The following LIN28B variants were observed in gnomAD, a reference collection of about 807,000 sequenced individuals.
LIN28B encodes the protein lin-28 RNA binding posttranscriptional regulator B, also known as protein lin-28 homolog B.
A neutral mutation model predicts 21.9 loss-of-function variants in LIN28B; 5 were observed. That is an observed-to-expected ratio of 0.23 (90% confidence interval 0.12 to 0.48). The LOEUF is 0.48. Ranked by LOEUF, LIN28B falls within the 20% of genes least tolerant of loss-of-function variation. The pLI, the probability that LIN28B is intolerant of heterozygous loss-of-function variation, is 0.98. For missense variants in LIN28B, 245 were observed against 310.5 expected (o/e 0.79, Z 1.58); for synonymous variants, 109 against 111.3 (o/e 0.98, Z 0.13).
intron 3 of LIN28B, among the ~76,000 whole-genome samples, chr6:105,051,476 C>T (rs1327296333): frequency 6.6e-6 from 1 of 151,016 alleles, no homozygotes; most frequent in African/African-American, 2.4e-5. Context: ...GCCACGACAA[C>T]TGTTTGTAAT....
intron 2 of LIN28B, among the ~76,000 whole-genome samples, chr6:104,995,185 A>G (rs1353829246): frequency 1.3e-5 from 2 of 152,232 alleles, no homozygotes; most frequent in African/African-American, 4.8e-5. Context: ...AAGGAAGGTA[A>G]GAGAACTGCA....
rs147453472 is a variant in LIN28B at position 104,975,220 on chromosome 6, G to A, written c.198+16934G>A. On this transcript the variant is annotated intron_variant, in intron 2 of 3. Coordinates refer to ENST00000345080, the MANE Select transcript of LIN28B (RefSeq NM_001004317.4). ...TAATATAAAAATTGATCATTCTGTC[G>A]AAAGATAGAGTAATATCTTATCTTT... 1.4e-4 allele frequency among the ~76,000 whole-genome samples: 21 copies of A among 152,114 alleles called. No homozygotes were observed. The South Asian group carries it at 2.3e-3, about 17-fold the overall frequency.
intron 2 of LIN28B, among the ~76,000 whole-genome samples, chr6:104,979,631 A>C (rs541132429): frequency 6.6e-6 from 1 of 151,964 alleles, no homozygotes; most frequent in Admixed American, 6.6e-5. Context: ...TATTTATGCT[A>C]TTAGCTTAAG....
chr6:105,050,291 G>T (rs544857272), intron 3 of LIN28B, among the ~76,000 whole-genome samples: 1 of 152,246 alleles, frequency 6.6e-6, no homozygotes, highest in African/African-American at 2.4e-5. Context: ...GAAATTCTGG[G>T]TTGAAAATTC....
At chr6:105,075,642 A>G (rs1731040491) in intron 3 of LIN28B, among the ~76,000 whole-genome samples, 2 of 152,254 alleles carry the variant, frequency 1.3e-5, no homozygotes, top group Non-Finnish European at 2.9e-5. Context: ...CCAAAATTAT[A>G]TAGCATCCTT....
chr6:105,020,104 A>G (rs370128823), intron 2 of LIN28B, among the ~76,000 whole-genome samples: 9 of 102,196 alleles, frequency 8.8e-5, no homozygotes, highest in Non-Finnish European at 1.2e-4. Context: ...TATTCCTGTT[A>G]TTCTTTTTTT....
At chr6:105,024,474 A>G (rs1286169811) in intron 2 of LIN28B, among the ~76,000 whole-genome samples, 4 of 152,208 alleles carry the variant, frequency 2.6e-5, no homozygotes, top group Admixed American at 1.3e-4. Context: ...CAAAATAACT[A>G]TTTATAATTA....
At chr6:105,015,626 G>A (rs1767970849) in intron 2 of LIN28B, among the ~76,000 whole-genome samples, 1 of 152,060 alleles carries the variant, frequency 6.6e-6, no homozygotes, top group South Asian at 2.1e-4. Flanking sequence ...GCTGCTGTCT[G>A]TGTTAATATG....
intron 3 of LIN28B, among the ~76,000 whole-genome samples, chr6:105,046,956 A>ATG (rs1240760500): frequency 0.041 from 6,250 of 152,122 alleles, 177 homozygotes; most frequent in Non-Finnish European, 0.06. Context: ...ATTTTCTCCC[A>ATG]TTCCGTAGGT....
At chr6:105,076,368 C>A (rs1772424910) in intron 3 of LIN28B, among the ~76,000 whole-genome samples, 1 of 152,014 alleles carries the variant, frequency 6.6e-6, no homozygotes. Flanking sequence ...GAGAAGCAGG[C>A]AATAGTTACC....
At chr6:105,050,430 G>A (rs1219179024) in intron 3 of LIN28B, among the ~76,000 whole-genome samples, 6 of 151,054 alleles carry the variant, frequency 4.0e-5, no homozygotes, top group East Asian at 2.0e-4. Context: ...GTGAAACCCC[G>A]TCTCTACTAA....
At chr6:105,047,745 G>T (rs1278922992) in intron 3 of LIN28B, among the ~76,000 whole-genome samples, 2 of 152,128 alleles carry the variant, frequency 1.3e-5, no homozygotes, top group Non-Finnish European at 2.9e-5. Context: ...TCCCTTGTAA[G>T]TTGGATTCCT....
At chr6:105,001,613 T>C (rs1487444203) in intron 2 of LIN28B, among the ~76,000 whole-genome samples, 1 of 152,164 alleles carries the variant, frequency 6.6e-6, no homozygotes, top group East Asian at 1.9e-4. Context: ...AAGGGACATG[T>C]GTAAGAGAAC....
At chr6:104,996,724 T>G (rs1417315945) in intron 2 of LIN28B, among the ~76,000 whole-genome samples, 1 of 152,202 alleles carries the variant, frequency 6.6e-6, no homozygotes, top group African/African-American at 2.4e-5. Flanking sequence ...GGTTGTGGTA[T>G]GATGAAAATA....
chr6:105,066,754 ATTC>A (rs1160715128), intron 3 of LIN28B, among the ~76,000 whole-genome samples: 5 of 152,052 alleles, frequency 3.3e-5, no homozygotes, highest in South Asian at 4.2e-4. Flanking sequence ...TCATGATGGA[ATTC>A]TTCTTTTAAA....
At chr6:104,943,721 G>C (rs1246652093) in intron 2 of LIN28B, among the ~76,000 whole-genome samples, 1 of 151,974 alleles carries the variant, frequency 6.6e-6, no homozygotes, top group Non-Finnish European at 1.5e-5. Context: ...TTTTGAACCT[G>C]TACCTTATTT....
chr6:105,042,084 C>T lies in LIN28B; in HGVS notation c.383+15602C>T, dbSNP rs185321840. Among the ~76,000 whole-genome samples the T allele has an allele frequency of 3.0e-4, 46 of 152,252 alleles. No homozygotes were observed. The South Asian group carries it at 4.6e-3, about 15-fold the overall frequency. The stretch of plus-strand genomic sequence containing the variant: ...GAATGTGATAATCTGATTCGCTAGA[C>T]ATGAATCATTTGCCCACTCTGTGCT... On this transcript the variant is annotated intron_variant, in intron 3 of 3. Coordinates refer to ENST00000345080, the MANE Select transcript of LIN28B (RefSeq NM_001004317.4).
At chr6:104,957,492 G>T (rs1202171540) in intron 1 of LIN28B, among the ~76,000 whole-genome samples, 1 of 151,746 alleles carries the variant, frequency 6.6e-6, no homozygotes, top group Non-Finnish European at 1.5e-5. Context: ...GCTTTCAGGG[G>T]GCTATTGTTT....
intron 2 of LIN28B, among the ~76,000 whole-genome samples, chr6:104,967,348 G>C (rs530660576): frequency 5.3e-4 from 80 of 151,730 alleles, no homozygotes; most frequent in Admixed American, 9.8e-4. Context: ...GGGAGGCTGA[G>C]GGGGGTGGAT....
Sources: allele counts gnomAD v4.1 joint callset (sites outside exome capture counted in the v4.1 genomes callset), GRCh38; gene constraint gnomAD v4.1.1; transcripts MANE v1.5; gene names NCBI Gene and HGNC (gene_info 2026-07-23, HGNC 2026-07-21).